The following ELL2 variants were observed in gnomAD, a reference collection of about 807,000 sequenced individuals.
ELL2 encodes the protein RNA polymerase II elongation factor ELL2.
A neutral mutation model predicts 72.8 loss-of-function variants in ELL2; 21 were observed. The ratio of observed to expected loss-of-function variants is 0.29; its 90% CI spans 0.20 to 0.42. The LOEUF is 0.42. ELL2 is among the 10% of genes least tolerant of loss of function. ELL2 has a pLI of 1.00. For synonymous variants in ELL2, 266 were observed against 283.2 expected (o/e 0.94, Z 0.61); for missense variants, 568 against 772.8 (o/e 0.73, Z 3.14).
chr5:95,917,349 A>G (rs1749852676), intron 3 of ELL2, among the ~76,000 whole-genome samples: 1 of 152,204 alleles, frequency 6.6e-6, no homozygotes, highest in African/African-American at 2.4e-5. Flanking sequence ...TTTACTGAGC[A>G]TCTGTTTTTA....
intron 5 of ELL2, among the ~76,000 whole-genome samples, chr5:95,905,921 C>T (rs1366468658): frequency 6.6e-6 from 1 of 152,100 alleles, no homozygotes; most frequent in Non-Finnish European, 1.5e-5. Flanking sequence ...TATAGTCTAA[C>T]AAACCACTGA....
chr5:95,912,800 C>T (rs1749655258), intron 4 of ELL2, among the ~76,000 whole-genome samples: 1 of 152,216 alleles, frequency 6.6e-6, no homozygotes, highest in African/African-American at 2.4e-5. Context: ...ACTAGTGGAG[C>T]TTCTCAAAGC....
rs1220302923 is a variant in ELL2 at position 95,906,729 on chromosome 5, C to T, written c.535G>A (p.Glu179Lys). The change falls in exon 5 of 12, where the codon GAG becomes AAG. Residue 179 changes from glutamate (E) to lysine (K), a missense_variant. Glu to Lys is a moderately conservative substitution (Grantham distance 56). Coordinates refer to ENST00000237853, the MANE Select transcript of ELL2 (RefSeq NM_012081.6). Reference protein sequence around the residue: ...APQAVSDTVPERKRSTPMNPA... With the variant: ...APQAVSDTVPKRKRSTPMNPA... ...TTCATGGGGGTTGACCTTTTCCTCT[C>T]AGGAACTGTATCTGAAACAGCTTGA... 6.2e-7 allele frequency: 1 copy of T among 1,613,942 alleles called. No individual in the cohort carries two copies. Among genetic ancestry groups the T allele is most frequent in the Admixed American group, 1.7e-5 (1 of 60,006 alleles).
chr5:95,901,171 A>G, intron 5 of ELL2, 91 bp from the exon 6 acceptor site: 1 of 1,360,346 alleles, frequency 7.4e-7, no homozygotes, highest in Non-Finnish European at 9.8e-7. Context: ...CACTGAAAAT[A>G]ATTACATCAA....
At chr5:95,961,436 C>T in intron 1 of ELL2, 139 bp downstream of exon 1, 6 of 1,111,920 alleles carry the variant, frequency 5.4e-6, no homozygotes, top group African/African-American at 1.7e-5. Flanking sequence ...CCTGCCCGGC[C>T]CTGCCCTGCC....
intron 4 of ELL2, among the ~76,000 whole-genome samples, chr5:95,909,193 C>T (rs1381296434): frequency 6.6e-6 from 1 of 152,154 alleles, no homozygotes; most frequent in Non-Finnish European, 1.5e-5. Context: ...AAGTAAGAGC[C>T]TGATCAAGTG....
In ELL2 at chr5:95,950,910, A is replaced by G. The variant is rs1195700070; in HGVS notation, c.148-7861T>C. On this transcript the variant is annotated intron_variant, in intron 1 of 11. Coordinates refer to ENST00000237853, the MANE Select transcript of ELL2 (RefSeq NM_012081.6). ...TATATGTATGTATGTATGTGTATATATATATATATATATATATATATATAT... is the reference window on the plus strand; with the variant it reads ...TATATGTATGTATGTATGTGTATATGTATATATATATATATATATATATAT... 1.4e-3 allele frequency among the ~76,000 whole-genome samples: 43 copies of G among 30,288 alleles called. No homozygotes were observed. In the East Asian group the frequency reaches 0.016, roughly 11 times the overall value. 19.9% of individuals were successfully genotyped at this position (30,288 alleles called of 152,430 possible).
chr5:95,938,772 C>A (rs1416072864), intron 2 of ELL2, among the ~76,000 whole-genome samples: 2 of 152,062 alleles, frequency 1.3e-5, no homozygotes, highest in Non-Finnish European at 2.9e-5. Context: ...AAACTATTTT[C>A]TAAAGCCTCT....
intron 2 of ELL2, among the ~76,000 whole-genome samples, chr5:95,938,586 T>C (rs1293246663): frequency 6.6e-6 from 1 of 152,086 alleles, no homozygotes; most frequent in African/African-American, 2.4e-5. Context: ...TAGCCAGTCA[T>C]GGCTGTGTAT....
At chr5:95,944,085 C>T (rs958913965) in intron 1 of ELL2, among the ~76,000 whole-genome samples, 5 of 152,160 alleles carry the variant, frequency 3.3e-5, no homozygotes, top group African/African-American at 1.2e-4. Context: ...TATAGAGGCA[C>T]TAATATGTTC....
chr5:95,929,621 G>T (rs981659991), intron 2 of ELL2, among the ~76,000 whole-genome samples: 1 of 152,030 alleles, frequency 6.6e-6, no homozygotes, highest in African/African-American at 2.4e-5. Flanking sequence ...ATATTTGTTA[G>T]ATTTATCTGA....
intron 7 of ELL2, among the ~76,000 whole-genome samples, chr5:95,899,256 C>T (rs569818577): frequency 1.2e-4 from 18 of 152,234 alleles, no homozygotes; most frequent in East Asian, 3.9e-4. Flanking sequence ...CAATTTGTGC[C>T]GTTTGACTCT....
intron 4 of ELL2, among the ~76,000 whole-genome samples, chr5:95,908,665 A>C (rs1749468238): frequency 6.6e-6 from 1 of 152,164 alleles, no homozygotes; most frequent in Non-Finnish European, 1.5e-5. Flanking sequence ...TGGCAAAGGG[A>C]AACCATTTAA....
chr5:95,897,939 A>G (rs1236357147), intron 8 of ELL2, among the ~76,000 whole-genome samples: 3 of 152,206 alleles, frequency 2.0e-5, no homozygotes, highest in African/African-American at 4.8e-5. Flanking sequence ...AGGCTGCACA[A>G]TATCATAACA....
chr5:95,930,861 A>G (rs1055373417), intron 2 of ELL2, among the ~76,000 whole-genome samples: 4 of 152,204 alleles, frequency 2.6e-5, no homozygotes, highest in Non-Finnish European at 4.4e-5. Flanking sequence ...CAAATCTTAA[A>G]TGAACATTAC....
intron 2 of ELL2, among the ~76,000 whole-genome samples, chr5:95,931,108 C>A (rs77082166): frequency 0.038 from 5,775 of 151,444 alleles, 179 homozygotes; most frequent in Admixed American, 0.077. Flanking sequence ...AAAGAGAGAG[C>A]CCTAATGGAC....
chr5:95,919,596 G>GAAA, intron 2 of ELL2, 51 bp from the exon 3 acceptor site: 1 of 1,520,616 alleles, frequency 6.6e-7, no homozygotes, highest in Non-Finnish European at 8.8e-7. Context: ...ATTTGCCATA[G>GAAA]AAAAGTCTTA....
rs770412249 is a variant in ELL2, at chr5:95,943,005, G to A, written c.192C>T (p.His64=). 5 of 1,592,162 alleles carry A rather than the reference G, an allele frequency of 3.1e-6. No homozygotes were observed. Among genetic ancestry groups the A allele is most frequent in the East Asian group, 2.3e-5 (1 of 43,568 alleles). ...FRPSIQFQGL[H]GLVKIPKNDP... is the part of the protein sequence containing the mutation. ...TTAAATCAATAAGAGTACTCACCCC[G>A]TGGAGTCCTTGGAACTGGATTGAAG... The change falls in exon 2 of 12, where the codon CAC becomes CAT. Residue 64 remains histidine, a synonymous_variant. Coordinates refer to ENST00000237853, the MANE Select transcript of ELL2 (RefSeq NM_012081.6).
intron 5 of ELL2, among the ~76,000 whole-genome samples, chr5:95,902,694 A>G (rs563987032): frequency 5.4e-4 from 82 of 152,372 alleles, no homozygotes; most frequent in African/African-American, 1.9e-3. Context: ...TGCAAAATTC[A>G]AATTTGCAAA....
Sources: allele counts gnomAD v4.1 joint callset (sites outside exome capture counted in the v4.1 genomes callset), GRCh38; gene constraint gnomAD v4.1.1; transcripts MANE v1.5; gene names NCBI Gene and HGNC (gene_info 2026-07-23, HGNC 2026-07-21).